MTG1: variants seen among roughly 807,000 people sequenced by gnomAD.
The protein encoded by MTG1 is mitochondrial ribosome-associated GTPase 1.
MTG1 carries 30 observed loss-of-function variants against 39.5 expected under a neutral mutation model. The ratio of observed to expected loss-of-function variants is 0.76; its 90% confidence interval spans 0.57 to 1.03. MTG1 has a LOEUF of 1.03. Among genes scored for constraint, MTG1 ranks in the 50% least tolerant of loss-of-function variants. The probability of loss-of-function intolerance (pLI) is 0.00; values close to 1 mark genes in which losing one functional copy is unlikely to be tolerated. For synonymous variants in MTG1, 217 were observed against 179.0 expected (o/e 1.21, Z -1.69); for missense variants, 513 against 447.4 (o/e 1.15, Z -1.32).
At position 133,399,532 on chromosome 10, in the gene MTG1, C is replaced by CT. The variant is rs764770743; in HGVS notation, c.425dup (p.Glu143GlyfsTer52). 6.2e-7 allele frequency: 1 copy of CT among 1,614,008 alleles called. No individual in the cohort carries two copies. On this transcript the variant is annotated frameshift_variant, in exon 6 of 11. Transcript: ENST00000317502. LOFTEE classifies it high-confidence loss of function. The stretch of plus-strand genomic sequence containing the variant: ...ACCCCTCTCTCTGCCTGCGCAGAAC[C>CT]TGGAGTACTGTATCATGGTCATTGG...
intron 9 of MTG1, among the ~76,000 whole-genome samples, chr10:133,410,458 A>G (rs971538603): frequency 1.3e-5 from 2 of 150,592 alleles, no homozygotes; most frequent in Non-Finnish European, 3.0e-5. Context: ...TCTGATTGTA[A>G]CTCCTCTCTT....
At chr10:133,401,862 C>T (rs924225467) in intron 7 of MTG1, 1 of 612,908 alleles carries the variant, frequency 1.6e-6, no homozygotes. Flanking sequence ...CAGGACAGAC[C>T]TGAGTGTGGC....
chr10:133,394,941 T>TG (rs1370866277), intron 1 of MTG1: 3 of 158,622 alleles, frequency 1.9e-5, no homozygotes, highest in Admixed American at 1.3e-4. Context: ...TGACTGAGGC[T>TG]GTGTCCTCGG....
At chr10:133,409,334 G>A (rs1850011858) in intron 9 of MTG1, among the ~76,000 whole-genome samples, 1 of 152,074 alleles carries the variant, frequency 6.6e-6, no homozygotes, top group South Asian at 2.1e-4. Flanking sequence ...ATTTCCATGT[G>A]TTTGTGTAGT....
intron 1 of MTG1, among the ~76,000 whole-genome samples, chr10:133,395,206 C>T (rs1034432970): frequency 1.3e-5 from 2 of 152,124 alleles, no homozygotes; most frequent in African/African-American, 2.4e-5. Context: ...CTATCCTGGC[C>T]AGCATGGTGA....
intron 7 of MTG1, 136 bp downstream of exon 7, chr10:133,401,726 CG>C: frequency 1.2e-6 from 1 of 840,334 alleles, no homozygotes; most frequent in Non-Finnish European, 2.0e-6. Flanking sequence ...TGAGCACCCC[CG>C]GGGCAGGCAC....
chr10:133,415,074 G>A (rs1367022352), intron 9 of MTG1, among the ~76,000 whole-genome samples: 1 of 152,258 alleles, frequency 6.6e-6, no homozygotes, highest in Admixed American at 6.5e-5. Context: ...GCTGAGGCAG[G>A]AGAATCAGGC....
chr10:133,398,646 C>T (rs1849823737), intron 4 of MTG1, 131 bp downstream of exon 4: 2 of 1,008,164 alleles, frequency 2.0e-6, no homozygotes, highest in South Asian at 3.3e-5. Context: ...CCAGCTGCCA[C>T]ACACGGATGC....
intron 3 of MTG1, among the ~76,000 whole-genome samples, chr10:133,397,329 C>G (rs953158264): frequency 1.3e-5 from 2 of 152,002 alleles, no homozygotes; most frequent in African/African-American, 4.8e-5. Flanking sequence ...TTGGAGATGG[C>G]TCACACTCCT....
At chr10:133,407,646 G>A (rs573944300) in intron 9 of MTG1, among the ~76,000 whole-genome samples, 1 of 150,900 alleles carries the variant, frequency 6.6e-6, no homozygotes, top group South Asian at 2.1e-4. Context: ...TTGGCTCACC[G>A]CAACCTCCGC....
rs1849842732 is a variant in MTG1 at position 133,399,633 on chromosome 10, CGGCTGAT to C, written c.511+15_511+21del. The C allele has an allele frequency of 6.2e-7, 1 of 1,611,050 alleles. No homozygotes were observed. Among genetic ancestry groups the C allele is most frequent in the South Asian group, 1.1e-5 (1 of 90,542 alleles). ...ACCTCAGGAAAGGTACTGGCGCGTGCGGCTGATCACCTCAGGAAAGGTACTGGCGCGT... is the reference window on the plus strand; with the variant it reads ...ACCTCAGGAAAGGTACTGGCGCGTGCCACCTCAGGAAAGGTACTGGCGCGT... On this transcript the variant is annotated intron_variant, in intron 6 of 10. Coordinates refer to ENST00000317502, the MANE Select transcript of MTG1 (RefSeq NM_138384.4).
chr10:133,402,803 G>A lies in MTG1; in HGVS notation c.752+30G>A. On this transcript the variant is annotated intron_variant, in intron 9 of 10. Coordinates refer to ENST00000317502, the MANE Select transcript of MTG1 (RefSeq NM_138384.4). This position sits in a 1 kb window ranked among gnomAD's most constrained non-coding sequence, Gnocchi z 4.7. ...GTGCAGTGAATGCAGGGCAGCTGGG[G>A]CCCCTCCTCCTAGTCACCTCATTTA... 1 of 1,530,486 alleles carries A rather than the reference G, an allele frequency of 6.5e-7. No individual in the cohort carries two copies. Among genetic ancestry groups the A allele is most frequent in the Non-Finnish European group, 8.9e-7 (1 of 1,129,394 alleles). The allele number at this position is 1,530,486 out of a possible 1,614,324, so 94.8% of individuals were successfully genotyped here.
chr10:133,420,086 T>C lies in MTG1; in HGVS notation c.926T>C (p.Phe309Ser). 3 of 1,613,530 alleles carry C rather than the reference T, an allele frequency of 1.9e-6. No individual in the cohort carries two copies. Among genetic ancestry groups the C allele is most frequent in the Non-Finnish European group, 1.7e-6 (2 of 1,179,798 alleles). Residue 309 changes from phenylalanine to serine, a missense_variant, in exon 11 of 11, where the codon TTC becomes TCC. Coordinates refer to ENST00000317502, the MANE Select transcript of MTG1 (RefSeq NM_138384.4). ...GCAGCCCGTGACTTCCTGCAGACTTTCCGCCGTGGGCTGCTGGGTTCCGTG... is the reference window on the plus strand; with the variant it reads ...GCAGCCCGTGACTTCCTGCAGACTTCCCGCCGTGGGCTGCTGGGTTCCGTG... ...PAAARDFLQTFRRGLLGSVML... is the reference protein window; with the variant it reads ...PAAARDFLQTSRRGLLGSVML...
rs7080089 is a variant in MTG1 at position 133,406,692 on chromosome 10, G to A, written c.752+3919G>A. ...TTTTTTTTTTTTTTTTTGAGAAGGAGTCTCACTGTGTCACCCAGGCTGGAG... is the reference window on the plus strand; with the variant it reads ...TTTTTTTTTTTTTTTTTGAGAAGGAATCTCACTGTGTCACCCAGGCTGGAG... On this transcript the variant is annotated intron_variant, in intron 9 of 10. Transcript: ENST00000317502. Among the ~76,000 whole-genome samples the A allele has an allele frequency of 7.7e-3, 1,019 of 132,902 alleles. 9 individuals carry two copies. The highest frequency in any genetic ancestry group is 0.026 in the African/African-American group (938 of 36,728). 87.2% of individuals were successfully genotyped at this position (132,902 alleles called of 152,430 possible).
chr10:133,414,947 T>C (rs531681843), intron 9 of MTG1, among the ~76,000 whole-genome samples: 139 of 152,316 alleles, frequency 9.1e-4, no homozygotes, highest in African/African-American at 3.3e-3. Flanking sequence ...GCGGATCACT[T>C]GTGGTTAGGA....
chr10:133,416,444 G>A (rs570933848), intron 9 of MTG1, among the ~76,000 whole-genome samples: 7 of 150,820 alleles, frequency 4.6e-5, no homozygotes, highest in African/African-American at 1.7e-4. Context: ...GGGTACATGT[G>A]CACAATGTGT....
intron 4 of MTG1, 105 bp from the exon 5 acceptor site, chr10:133,399,065 G>A (rs1849829517): frequency 6.4e-6 from 8 of 1,244,816 alleles, no homozygotes; most frequent in East Asian, 2.3e-5. Flanking sequence ...ATATGTGAAA[G>A]TGGAGACACT....
chr10:133,399,515 C>T lies in MTG1; in HGVS notation c.421-14C>T. ...CCACGGTGGGCCCTGTGACCCCTCT[C>T]TCTGCCTGCGCAGAACCTGGAGTAC... On this transcript the variant is annotated splice_polypyrimidine_tract_variant and intron_variant, in intron 5 of 10. Transcript: ENST00000317502. 2 of 1,613,092 alleles carry T rather than the reference C, an allele frequency of 1.2e-6. No individual in the cohort carries two copies. Among genetic ancestry groups the T allele is most frequent in the Non-Finnish European group, 1.7e-6 (2 of 1,179,204 alleles).
chr10:133,419,700 C>T (rs926077292), intron 10 of MTG1, 108 bp downstream of exon 10: 15 of 919,070 alleles, frequency 1.6e-5, no homozygotes, highest in African/African-American at 9.8e-5. Context: ...AAGGAGCATG[C>T]GCCGGGTCTT....
Sources: allele counts gnomAD v4.1 joint callset (sites outside exome capture counted in the v4.1 genomes callset), GRCh38; gene constraint gnomAD v4.1.1; non-coding constraint Gnocchi (gnomAD v3.1); transcripts MANE v1.5; gene names NCBI Gene and HGNC (gene_info 2026-07-23, HGNC 2026-07-21).